The following LMO7 variants were observed in gnomAD, a reference collection of about 807,000 sequenced individuals.
LMO7 encodes LIM domain only protein 7.
Under a neutral mutation model 206.5 loss-of-function variants are expected in LMO7, and 120 were observed. That is an observed-to-expected ratio of 0.58 (90% CI 0.50 to 0.68). LMO7 has a LOEUF of 0.68. LMO7 is among the 30% of genes least tolerant of loss of function. LMO7 has a pLI of 0.00. For synonymous variants in LMO7, 706 were observed against 681.5 expected (o/e 1.04, Z -0.56); for missense variants, 1,959 against 1,957.9 (o/e 1.00, Z -0.01).
At chr13:75,840,197 G>T in intron 21 of LMO7, 87 bp downstream of exon 21, 1 of 1,438,996 alleles carries the variant, frequency 6.9e-7, no homozygotes, top group Non-Finnish European at 9.7e-7. Flanking sequence ...ATGATTTTAG[G>T]TTGCATAAGA....
At chr13:75,824,096 G>T (rs1485467961) in intron 15 of LMO7, among the ~76,000 whole-genome samples, 1 of 152,164 alleles carries the variant, frequency 6.6e-6, no homozygotes, top group African/African-American at 2.4e-5. Flanking sequence ...TGGAGACTTT[G>T]TGCACCAGTC....
At chr13:75,653,884 G>T (rs1217860645) in intron 1 of LMO7, among the ~76,000 whole-genome samples, 1 of 152,120 alleles carries the variant, frequency 6.6e-6, no homozygotes, top group Non-Finnish European at 1.5e-5. Flanking sequence ...ATAAACTTAG[G>T]TAAGTTTGTA....
chr13:75,728,464 T>G (rs2044713196), intron 3 of LMO7, among the ~76,000 whole-genome samples: 1 of 117,564 alleles, frequency 8.5e-6, no homozygotes, highest in South Asian at 2.6e-4. Context: ...CACTTTTTGA[T>G]GGGGTTGTTT....
intron 27 of LMO7, among the ~76,000 whole-genome samples, chr13:75,852,148 GA>G (rs1442178360): frequency 4.6e-5 from 7 of 152,172 alleles, no homozygotes; most frequent in Non-Finnish European, 2.9e-5. Context: ...AGACTTAGTA[GA>G]GTATTAGCTC....
intron 10 of LMO7, among the ~76,000 whole-genome samples, chr13:75,808,412 G>A (rs2055840749): frequency 6.6e-6 from 1 of 152,146 alleles, no homozygotes; most frequent in Non-Finnish European, 1.5e-5. Flanking sequence ...AACTTATTTA[G>A]GCCTGTTTAA....
chr13:75,836,602 A>T, intron 19 of LMO7, 145 bp downstream of exon 19: 1 of 553,946 alleles, frequency 1.8e-6, no homozygotes. Flanking sequence ...CGCAGATCCA[A>T]TTGCAGCCAG....
chr13:75,747,064 A>G (rs1242975912), intron 3 of LMO7, among the ~76,000 whole-genome samples: 1 of 152,182 alleles, frequency 6.6e-6, no homozygotes, highest in Non-Finnish European at 1.5e-5. Context: ...TGTCCTAAAT[A>G]TAAAAATCTG....
At position 75,807,464 on chromosome 13, in the gene LMO7, CCT is replaced by C; in HGVS notation, c.1197-11_1197-10del. 2.5e-6 allele frequency: 4 copies of C among 1,605,656 alleles called. No homozygotes were observed. Among genetic ancestry groups the C allele is most frequent in the Non-Finnish European group, 3.4e-6 (4 of 1,176,876 alleles). ...CTTAATAAGATTCTCTTTCCTTTTTCCTCTCTGTGCATCAGTCAGTTTTTACT... is the reference window on the plus strand; with the variant it reads ...CTTAATAAGATTCTCTTTCCTTTTTCCTCTGTGCATCAGTCAGTTTTTACT... On this transcript the variant is annotated splice_polypyrimidine_tract_variant and intron_variant, in intron 9 of 30. Coordinates refer to ENST00000377534, the MANE Select transcript of LMO7 (RefSeq NM_001306080.2).
chr13:75,840,916 A>T (rs1444930372), intron 22 of LMO7, among the ~76,000 whole-genome samples, 193 bp from the exon 23 acceptor site: 1 of 152,196 alleles, frequency 6.6e-6, no homozygotes, highest in Non-Finnish European at 1.5e-5. Flanking sequence ...TTTTTACCCC[A>T]GTGCCTGCAG....
chr13:75,636,833 G>T, intron 1 of LMO7, 107 bp downstream of exon 1: 3 of 1,094,704 alleles, frequency 2.7e-6, no homozygotes, highest in Non-Finnish European at 4.0e-6. Context: ...CTCCTTCGGC[G>T]ACCCAGCCGA....
intron 4 of LMO7, among the ~76,000 whole-genome samples, chr13:75,786,156 T>C (rs1343170506): frequency 6.6e-6 from 1 of 151,964 alleles, no homozygotes; most frequent in Admixed American, 6.6e-5. Flanking sequence ...CTCAACATCA[T>C]TACATTGTCA....
At chr13:75,755,073 G>A (rs1042926381) in intron 3 of LMO7, among the ~76,000 whole-genome samples, 1 of 152,162 alleles carries the variant, frequency 6.6e-6, no homozygotes, top group African/African-American at 2.4e-5. Flanking sequence ...TTCCAACACT[G>A]AAGGGTCAGG....
intron 11 of LMO7, among the ~76,000 whole-genome samples, chr13:75,812,080 C>T (rs1448199890): frequency 6.6e-6 from 1 of 152,156 alleles, no homozygotes; most frequent in Non-Finnish European, 1.5e-5. Context: ...TGTCTGGAGG[C>T]ATTTTTTATT....
At position 75,838,157 on chromosome 13, in the gene LMO7, T is replaced by C. The variant is rs141529976; in HGVS notation, c.3412T>C (p.Leu1138=). The part of the protein sequence containing the change: ...FESKASESIS[L]KNLKRRSQFF... ...TCAACTAGCATCTGAATCCATTTCT[T>C]TGAAAAACTTAAAAAGGCGATCACA... Residue 1138 remains leucine (L), a synonymous_variant, in exon 20 of 31, where the codon TTG becomes CTG. Transcript: ENST00000377534. 13 of 1,598,396 alleles carry C rather than the reference T, an allele frequency of 8.1e-6. No homozygotes were observed. Among genetic ancestry groups the C allele is most frequent in the South Asian group, 3.3e-5 (3 of 90,720 alleles).
chr13:75,840,202 A>T, intron 21 of LMO7, 92 bp downstream of exon 21: 1 of 1,422,340 alleles, frequency 7.0e-7, no homozygotes, highest in South Asian at 1.2e-5. Flanking sequence ...TTTAGGTTGC[A>T]TAAGAATTTA....
rs543532546 is a variant in LMO7 at position 75,773,790 on chromosome 13, G to A, written c.317+12752G>A. 2.7e-4 allele frequency among the ~76,000 whole-genome samples: 41 copies of A among 152,260 alleles called. No homozygotes were observed. The East Asian group carries it at 5.6e-3, about 21-fold the overall frequency. Reference sequence around the variant, plus strand: ...TATATTTAAGTAGAAATAAACACTGGCTTTGTAGATTTGGGAGGCATCTAT... The same window carrying A: ...TATATTTAAGTAGAAATAAACACTGACTTTGTAGATTTGGGAGGCATCTAT... On this transcript the variant is annotated intron_variant, in intron 4 of 30. Coordinates refer to ENST00000377534, the MANE Select transcript of LMO7 (RefSeq NM_001306080.2).
intron 1 of LMO7, among the ~76,000 whole-genome samples, chr13:75,687,004 C>T (rs2041066948): frequency 6.6e-6 from 1 of 152,042 alleles, no homozygotes; most frequent in Non-Finnish European, 1.5e-5. Flanking sequence ...CTCCAAAGGC[C>T]CTACCTCCTA....
intron 28 of LMO7, 85 bp downstream of exon 28, chr13:75,853,473 C>A: frequency 1.6e-6 from 2 of 1,279,014 alleles, no homozygotes; most frequent in Non-Finnish European, 2.1e-6. Flanking sequence ...CCAAGTTTTC[C>A]AATGAAGAAG....
intron 1 of LMO7, among the ~76,000 whole-genome samples, chr13:75,697,786 T>C (rs17064907): frequency 0.011 from 1,626 of 152,390 alleles, 19 homozygotes; most frequent in South Asian, 0.025. Flanking sequence ...TACTACTTGA[T>C]CAACGGGAAA....
Sources: allele counts gnomAD v4.1 joint callset (sites outside exome capture counted in the v4.1 genomes callset), GRCh38; gene constraint gnomAD v4.1.1; transcripts MANE v1.5; gene names NCBI Gene and HGNC (gene_info 2026-07-23, HGNC 2026-07-21).